SCML2: variants seen among roughly 807,000 people sequenced by gnomAD.
The protein encoded by SCML2 is sex comb on midleg-like protein 2.
SCML2 carries 6 observed loss-of-function variants against 48.4 expected under a neutral mutation model. The observed-to-expected ratio is 0.12, with a 90% CI of 0.07 to 0.24. The LOEUF is 0.24. SCML2 is among the 10% of genes least tolerant of loss of function. SCML2 has a pLI of 1.00. For synonymous variants in SCML2, 181 were observed against 189.5 expected (o/e 0.95, Z 0.37); for missense variants, 377 against 528.2 (o/e 0.71, Z 2.81).
intron 7 of SCML2, among the ~76,000 whole-genome samples, chrX:18,298,352 G>C (rs961713607): frequency 1.8e-5 from 2 of 111,579 alleles, no homozygotes; most frequent in African/African-American, 6.5e-5. Flanking sequence ...CACACCACCT[G>C]ACTTCAAAAT....
At chrX:18,309,477 G>A (rs978429537) in intron 6 of SCML2, among the ~76,000 whole-genome samples, 7 of 111,811 alleles carry the variant, frequency 6.3e-5, no homozygotes, top group South Asian at 7.5e-4. Context: ...ACACATGTTC[G>A]CGTATGTTCA....
At chrX:18,243,039 TAC>T (rs910647369) in intron 13 of SCML2, among the ~76,000 whole-genome samples, 2 of 112,313 alleles carry the variant, frequency 1.8e-5, no homozygotes, top group African/African-American at 6.5e-5. Flanking sequence ...TCCCCAAATT[TAC>T]AGTTAGTTTT....
chrX:18,334,308 G>T (rs1043591830), intron 1 of SCML2, among the ~76,000 whole-genome samples: 42 of 112,153 alleles, frequency 3.7e-4, no homozygotes, highest in African/African-American at 1.4e-3. Context: ...TCCTTTGTGG[G>T]ATAATGAAAG....
intron 6 of SCML2, among the ~76,000 whole-genome samples, chrX:18,307,948 G>A (rs1928808965): frequency 1.8e-5 from 2 of 110,723 alleles, no homozygotes; most frequent in Non-Finnish European, 3.8e-5. Context: ...ACAAAAATTA[G>A]CCAGGTGTGG....
chrX:18,353,885 T>C (rs1930452208), intron 1 of SCML2, among the ~76,000 whole-genome samples: 1 of 113,009 alleles, frequency 8.8e-6, no homozygotes, highest in Admixed American at 9.2e-5. Flanking sequence ...TAAGAAACCA[T>C]TTCGAGACTG....
chrX:18,339,752 G>A (rs141528922), intron 1 of SCML2, among the ~76,000 whole-genome samples: 18 of 110,805 alleles, frequency 1.6e-4, no homozygotes, highest in African/African-American at 5.6e-4. Flanking sequence ...AAGAGAAGGT[G>A]GCTTTTGGCC....
intron 11 of SCML2, among the ~76,000 whole-genome samples, chrX:18,254,241 T>C (rs930912200): frequency 8.9e-6 from 1 of 112,454 alleles, no homozygotes; most frequent in African/African-American, 3.2e-5. Context: ...GAGCACTCTA[T>C]CTTAAACTAT....
At chrX:18,251,427 G>C (rs1356103223) in intron 11 of SCML2, among the ~76,000 whole-genome samples, 1 of 101,180 alleles carries the variant, frequency 9.9e-6, no homozygotes, top group Non-Finnish European at 2.0e-5. Flanking sequence ...AATATACGAA[G>C]AACTCTTATG....
intron 5 of SCML2, among the ~76,000 whole-genome samples, chrX:18,321,762 G>C (rs1274563509): frequency 1.8e-5 from 2 of 110,772 alleles, no homozygotes; most frequent in African/African-American, 6.6e-5. Flanking sequence ...ATTCCATCAT[G>C]TGCCCAGATT....
chrX:18,308,891 T>A (rs1342606812), intron 6 of SCML2, among the ~76,000 whole-genome samples: 2 of 111,298 alleles, frequency 1.8e-5, no homozygotes, highest in Admixed American at 9.6e-5. Context: ...GTATCACTAA[T>A]CATTAGAGAA....
upstream of SCML2, chrX:18,354,796 T>G: frequency 7.0e-6 from 1 of 143,328 alleles, no homozygotes; most frequent in Non-Finnish European, 1.4e-5. Context: ...CGCCGCCGCG[T>G]GCGGGGCCCG....
At chrX:18,270,555 T>A (rs1055899215) in intron 7 of SCML2, among the ~76,000 whole-genome samples, 6 of 110,944 alleles carry the variant, frequency 5.4e-5, no homozygotes, top group Non-Finnish European at 1.1e-4. Flanking sequence ...ATTTTATTTA[T>A]TGCCATATCC....
intron 8 of SCML2, among the ~76,000 whole-genome samples, chrX:18,260,769 C>T (rs1414756361): frequency 1.8e-5 from 2 of 109,851 alleles, no homozygotes; most frequent in East Asian, 5.6e-4. Context: ...ACCCACAGTT[C>T]TCCATATTAC....
At chrX:18,348,467 T>G (rs151001198) in intron 1 of SCML2, among the ~76,000 whole-genome samples, 2 of 111,685 alleles carry the variant, frequency 1.8e-5, no homozygotes, top group Non-Finnish European at 1.9e-5. Context: ...ACCTCAAACA[T>G]GAGGCAGGTG....
intron 4 of SCML2, among the ~76,000 whole-genome samples, chrX:18,324,408 A>G (rs1929416998): frequency 8.9e-6 from 1 of 111,789 alleles, no homozygotes; most frequent in African/African-American, 3.3e-5. Context: ...GAAATTAGCC[A>G]ACCAGCAGCT....
intron 1 of SCML2, among the ~76,000 whole-genome samples, chrX:18,339,294 T>C (rs749924555): frequency 1.8e-5 from 2 of 112,445 alleles, no homozygotes; most frequent in South Asian, 7.3e-4. Context: ...CTAATCAGCA[T>C]TATCAGAAAA....
chrX:18,350,610 C>T (rs1930343007), intron 1 of SCML2, among the ~76,000 whole-genome samples: 1 of 104,261 alleles, frequency 9.6e-6, no homozygotes, highest in Admixed American at 1.0e-4. Context: ...CTGGGTGTGG[C>T]GGTACATGCC....
intron 8 of SCML2, among the ~76,000 whole-genome samples, chrX:18,261,940 T>C (rs1055066810): frequency 1.8e-5 from 2 of 110,415 alleles, no homozygotes; most frequent in East Asian, 5.5e-4. Flanking sequence ...TTCATGACTA[T>C]ATTTTTGAAA....
intron 8 of SCML2, among the ~76,000 whole-genome samples, chrX:18,264,950 T>C (rs962845524): frequency 2.7e-5 from 3 of 111,875 alleles, no homozygotes; most frequent in African/African-American, 6.5e-5. Flanking sequence ...TTTCCTGGCT[T>C]TTCTATTTTC....
Sources: allele counts gnomAD v4.1 joint callset (sites outside exome capture counted in the v4.1 genomes callset), GRCh38; gene constraint gnomAD v4.1.1; transcripts MANE v1.5; gene names NCBI Gene and HGNC (gene_info 2026-07-23, HGNC 2026-07-21).